Variants in SSC5D observed in about 807,000 individuals in gnomAD.
The protein encoded by SSC5D is scavenger receptor cysteine rich family member with 5 domains, also known as soluble scavenger receptor cysteine-rich domain-containing protein SSC5D.
A neutral mutation model predicts 104.6 loss-of-function variants in SSC5D; 106 were observed. That is an observed-to-expected ratio of 1.01 (90% CI 0.87 to 1.19). The LOEUF is 1.19. Among genes scored for constraint, SSC5D ranks in the 50% most tolerant of loss-of-function variants. The pLI is 0.00. For synonymous variants in SSC5D, 860 were observed against 883.5 expected (o/e 0.97, Z 0.47); for missense variants, 1,993 against 2,153.8 (o/e 0.93, Z 1.48).
intron 8 of SSC5D, among the ~76,000 whole-genome samples, chr19:55,495,464 C>T (rs998455091): frequency 1.3e-4 from 20 of 149,316 alleles, no homozygotes; most frequent in African/African-American, 4.7e-4. Context: ...AACTCCTGAT[C>T]CCAAACCATC....
intron 9 of SSC5D, among the ~76,000 whole-genome samples, chr19:55,499,360 C>G (rs1413700249): frequency 1.3e-5 from 2 of 152,226 alleles, no homozygotes; most frequent in Non-Finnish European, 2.9e-5. Context: ...TTCCCTCTGT[C>G]CCCGTCTTCC....
rs2123442741 is a variant in SSC5D at position 55,500,040 on chromosome 19, C to T, written c.1930C>T (p.Pro644Ser). The change falls in exon 10 of 14, where the codon CCA (proline) becomes TCA (serine). Residue 644 changes from proline (P) to serine (S), a missense_variant. Around this residue, in one of 6 missense-constraint regions of SSC5D, gnomAD observed 1,101 missense variants for 1,085.0 expected, o/e 1.01. Transcript: ENST00000389623. This position sits in a 1 kb window ranked among gnomAD's most constrained non-coding sequence, Gnocchi z 4.6. ...KNAKRPTTQPPVMPTTKHSRA... is the reference protein window; with the variant it reads ...KNAKRPTTQPSVMPTTKHSRA... ...TGCAAAGAGACCAACCACTCAACCC[C>T]CAGTGATGCCAACCACGAAACACTC... The T allele has an allele frequency of 6.4e-7, 1 of 1,551,822 alleles. No homozygotes were observed. The highest frequency in any genetic ancestry group is 2.4e-5 in the East Asian group (1 of 40,916).
At chr19:55,516,943 A>C (rs1599931289) in intron 13 of SSC5D, among the ~76,000 whole-genome samples, 2 of 139,536 alleles carry the variant, frequency 1.4e-5, no homozygotes, top group African/African-American at 2.7e-5. Context: ...CCCTCACCTC[A>C]CCCTCCTGCA....
At chr19:55,489,749 T>G in intron 3 of SSC5D, 87 bp downstream of exon 3, 24 of 1,501,958 alleles carry the variant, frequency 1.6e-5, no homozygotes, top group Non-Finnish European at 2.1e-5. Flanking sequence ...CAAGTCTGAG[T>G]GTTCAGCAGT....
At position 55,513,134 on chromosome 19, in the gene SSC5D, C is replaced by T. The variant is rs1404888926; in HGVS notation, c.2909C>T (p.Pro970Leu). The change falls in exon 13 of 14, where the codon CCA becomes CTA. Residue 970 changes from proline to leucine, a missense_variant. Transcript: ENST00000389623. Reference protein sequence around the residue: ...PTLGAGTTRSPGSPPTLRVHG... With the variant: ...PTLGAGTTRSLGSPPTLRVHG... ...CTTGGGGCTGGCACCACCAGGAGCC[C>T]AGGCAGTCCTCCAACTCTGAGAGTC... 1 of 1,535,604 alleles carries T rather than the reference C, an allele frequency of 6.5e-7. No homozygotes were observed. Among genetic ancestry groups the T allele is most frequent in the Non-Finnish European group, 8.8e-7 (1 of 1,138,188 alleles).
At chr19:55,504,732 C>T (rs994131948) in intron 12 of SSC5D, among the ~76,000 whole-genome samples, 5 of 152,150 alleles carry the variant, frequency 3.3e-5, no homozygotes, top group African/African-American at 1.2e-4. Flanking sequence ...AAGCCGACCT[C>T]GTGATCCACT....
chr19:55,489,910 C>T lies in SSC5D; in HGVS notation c.390C>T (p.Asp130=), dbSNP rs1381194424. The T allele has an allele frequency of 2.6e-6, 4 of 1,549,792 alleles. No homozygotes were observed. In the East Asian group the frequency reaches 9.8e-5, roughly 38 times the overall value. ...AGQRVANSRD[D]STSPLDGAPW... ...AGCGTGTGGCTAACTCCAGGGACGACTCAACATCTCCCCTGGATGGGGCTC... is the reference window on the plus strand; with the variant it reads ...AGCGTGTGGCTAACTCCAGGGACGATTCAACATCTCCCCTGGATGGGGCTC... The change falls in exon 4 of 14, where the codon GAC becomes GAT. Residue 130 remains aspartate, a synonymous_variant. Coordinates refer to ENST00000389623, the MANE Select transcript of SSC5D (RefSeq NM_001144950.2).
At chr19:55,505,171 C>A (rs547325197) in intron 12 of SSC5D, among the ~76,000 whole-genome samples, 1 of 151,584 alleles carries the variant, frequency 6.6e-6, no homozygotes. Context: ...CGTTTAAAAC[C>A]GCAGAATATT....
In SSC5D at chr19:55,503,662, C is replaced by T. The variant is rs1599923573; in HGVS notation, c.2785+2461C>T. 6.6e-6 allele frequency among the ~76,000 whole-genome samples: 1 copy of T among 152,204 alleles called. No homozygotes were observed. Among genetic ancestry groups the T allele is most frequent in the Non-Finnish European group, 1.5e-5 (1 of 68,034 alleles). ...GTGCCCGTCGCAGTCGCTGTTTCTC[C>T]GTCTTCTCCCTCCCTTCCACTCTCC... On this transcript the variant is annotated intron_variant, in intron 12 of 13. Transcript: ENST00000389623. The surrounding 1 kb of genome is among the most constrained non-coding windows in gnomAD (Gnocchi z 4.0).
intron 12 of SSC5D, among the ~76,000 whole-genome samples, chr19:55,510,697 ATT>A (rs1987738737): frequency 1.3e-5 from 2 of 149,444 alleles, no homozygotes; most frequent in South Asian, 4.2e-4. Flanking sequence ...TCCCTGGACT[ATT>A]TTTTCTTTTT....
intron 12 of SSC5D, among the ~76,000 whole-genome samples, chr19:55,501,860 T>C (rs1012172623): frequency 6.6e-6 from 1 of 152,220 alleles, no homozygotes; most frequent in African/African-American, 2.4e-5. Context: ...TGCGAATCCA[T>C]CTCTGCTCCT....
chr19:55,494,753 A>C lies in SSC5D; in HGVS notation c.1357A>C (p.Thr453Pro). The C allele has an allele frequency of 1.3e-6, 2 of 1,548,554 alleles. No individual in the cohort carries two copies. The highest frequency in any genetic ancestry group is 1.7e-6 in the Non-Finnish European group (2 of 1,145,748). The stretch of plus-strand genomic sequence containing the variant: ...CGTTTCACCTCCTCCAGCCTCCCCT[A>C]CTGTCCTTTGGGAGCCTGGACCGGA... ...AGVSPPPASPTVLWEPGPEAG... is the reference protein window; with the variant it reads ...AGVSPPPASPPVLWEPGPEAG... The change falls in exon 8 of 14, where the codon ACT becomes CCT. Residue 453 changes from threonine to proline, a missense_variant. Coordinates refer to ENST00000389623, the MANE Select transcript of SSC5D (RefSeq NM_001144950.2).
rs1014353882 is a variant in SSC5D, at chr19:55,507,054, A to T, written c.2785+5853A>T. ...TGTGGCGGTGCATGCCTATAATCCCAGCTCCTCGGGAGGCTGAGGCAGGAG... is the reference window on the plus strand; with the variant it reads ...TGTGGCGGTGCATGCCTATAATCCCTGCTCCTCGGGAGGCTGAGGCAGGAG... On this transcript the variant is annotated intron_variant, in intron 12 of 13. Transcript: ENST00000389623. Among the ~76,000 whole-genome samples the T allele has an allele frequency of 2.0e-5, 3 of 151,994 alleles. No individual in the cohort carries two copies. The East Asian group carries it at 5.8e-4, about 29-fold the overall frequency.
chr19:55,518,718 G>A lies in SSC5D; in HGVS notation c.4442G>A (p.Arg1481Lys). The A allele has an allele frequency of 6.4e-7, 1 of 1,551,026 alleles. No homozygotes were observed. Among genetic ancestry groups the A allele is most frequent in the Admixed American group, 2.0e-5 (1 of 50,982 alleles). The change falls in exon 14 of 14, where the codon AGG (arginine) becomes AAG (lysine). Residue 1481 changes from arginine (R) to lysine (K), a missense_variant. Arg to Lys is a conservative substitution (Grantham distance 26). Transcript: ENST00000389623. Reference protein sequence around the residue: ...GPCVAPTPPVRVMACEPPALV... With the variant: ...GPCVAPTPPVKVMACEPPALV... ...TGTGTGGCCCCAACACCACCTGTAA[G>A]GGTCATGGCTTGTGAGCCACCTGCC... is the stretch of plus-strand genomic sequence containing the variant.
Position 55,513,066 on chromosome 19 carries a change from C to T in SSC5D, c.2841C>T (p.Gly947=). 6.4e-7 allele frequency: 1 copy of T among 1,551,740 alleles called. No individual in the cohort carries two copies. The highest frequency in any genetic ancestry group is 1.2e-5 in the South Asian group (1 of 84,050). ...PWTWDTPSGR[G]LAEGTPTAGK... Reference sequence around the variant, plus strand: ...CGTGGGACACACCATCAGGAAGGGGCCTGGCTGAGGGGACCCCTACCGCAG... The same window carrying T: ...CGTGGGACACACCATCAGGAAGGGGTCTGGCTGAGGGGACCCCTACCGCAG... Residue 947 remains glycine (G), a synonymous_variant, in exon 13 of 14, where the codon GGC becomes GGT. Transcript: ENST00000389623.
chr19:55,518,796 T>G lies in SSC5D; in HGVS notation c.4520T>G (p.Leu1507Arg), dbSNP rs987013721. ...GATGTGGGTGGTCAGCTGCAGAGAC[T>G]GACCCAGGTCGTGGAACAGGAGCGG... ...VRDVGGQLQR[L>R]TQVVEQERQE... The change falls in exon 14 of 14, where the codon CTG becomes CGG. Residue 1507 changes from leucine to arginine, a missense_variant. By Grantham distance (102) the Leu-to-Arg change is moderately radical. Transcript: ENST00000389623. The G allele has an allele frequency of 1.9e-6, 3 of 1,550,476 alleles. No individual in the cohort carries two copies. In the Admixed American group the frequency reaches 5.9e-5, roughly 30 times the overall value.
rs2123448280 is a variant in SSC5D at position 55,503,825 on chromosome 19, T to A, written c.2785+2624T>A. On this transcript the variant is annotated intron_variant, in intron 12 of 13. Transcript: ENST00000389623. The surrounding 1 kb of genome is among the most constrained non-coding windows in gnomAD (Gnocchi z 4.0). ...GCAAGCGTCCTTTCCCGCCTTTTTT[T>A]TTTCTGGCGCTCAGCACGCATGCGC... Among the ~76,000 whole-genome samples, 1 of 152,190 alleles carries A rather than the reference T, an allele frequency of 6.6e-6. No homozygotes were observed. Among genetic ancestry groups the A allele is most frequent in the East Asian group, 1.9e-4 (1 of 5,166 alleles).
chr19:55,504,458 G>C (rs1398506037), intron 12 of SSC5D: 1 of 541,564 alleles, frequency 1.8e-6, no homozygotes, highest in Non-Finnish European at 2.8e-6. Flanking sequence ...TTGAAAAAGT[G>C]ACTTGGTCTC....
intron 9 of SSC5D, 83 bp from the exon 10 acceptor site, chr19:55,499,733 A>T: frequency 9.4e-7 from 1 of 1,061,560 alleles, no homozygotes; most frequent in South Asian, 1.6e-5. Flanking sequence ...TGGGTGAGTG[A>T]CTGGAGAGAA....
Sources: allele counts gnomAD v4.1 joint callset (sites outside exome capture counted in the v4.1 genomes callset), GRCh38; gene constraint gnomAD v4.1.1; regional missense constraint gnomAD v4.1.1; non-coding constraint Gnocchi (gnomAD v3.1); transcripts MANE v1.5; gene names NCBI Gene and HGNC (gene_info 2026-07-23, HGNC 2026-07-21).